Variants in CCDC33 observed in about 807,000 individuals in gnomAD.
The protein encoded by CCDC33 is coiled-coil domain-containing protein 33.
Under a neutral mutation model 91.9 loss-of-function variants are expected in CCDC33, and 94 were observed. The ratio of observed to expected loss-of-function variants is 1.02; its 90% CI spans 0.87 to 1.21. The LOEUF (loss-of-function observed/expected upper bound fraction) is 1.21, where lower values mean the gene tolerates loss of function less well. CCDC33 is among the 50% of genes most tolerant of loss of function. The pLI is 0.00. For missense variants in CCDC33, 940 were observed against 935.5 expected (o/e 1.00, Z -0.06); for synonymous variants, 396 against 374.5 (o/e 1.06, Z -0.66).
Position 74,335,976 on chromosome 15 carries a change from C to T in CCDC33, c.2191C>T (p.Leu731=), listed in dbSNP as rs775290506. Residue 731 remains leucine, a synonymous_variant, in exon 19 of 19, where the codon CTG becomes TTG. Coordinates refer to ENST00000398814, the MANE Select transcript of CCDC33 (RefSeq NM_025055.5). ...DLKQPSELEP[L]LPSSDSKLNK... is the part of the protein sequence containing the mutation. ...CAAGCAGCCCTCAGAGCTGGAGCCC[C>T]TGCTGCCCAGCTCAGACTCTAAGCT... 8 of 1,613,894 alleles carry T rather than the reference C, an allele frequency of 5.0e-6. No individual in the cohort carries two copies. In the Admixed American group the frequency reaches 6.7e-5, roughly 13 times the overall value.
At chr15:74,228,658 G>A (rs1046379176) in intron 2 of CCDC33, among the ~76,000 whole-genome samples, 13 of 152,236 alleles carry the variant, frequency 8.5e-5, no homozygotes, top group African/African-American at 2.9e-4. Context: ...TGGAGCTCAC[G>A]GATGGGCATG....
At chr15:74,221,240 T>TAAACAAAAA in intron 2 of CCDC33, 1 of 935,130 alleles carries the variant, frequency 1.1e-6, no homozygotes, top group Non-Finnish European at 1.3e-6. Flanking sequence ...TTTTTTTTTT[T>TAAACAAAAA]TTTCACCAGA....
intron 2 of CCDC33, among the ~76,000 whole-genome samples, chr15:74,227,533 G>T (rs2074841889): frequency 6.6e-6 from 1 of 152,202 alleles, no homozygotes. Flanking sequence ...GCACTGAATG[G>T]TTTGGGAGCA....
upstream of CCDC33, among the ~76,000 whole-genome samples, chr15:74,233,907 G>T (rs999917098): frequency 6.6e-6 from 1 of 152,016 alleles, no homozygotes; most frequent in Admixed American, 6.6e-5. Context: ...GCCCAAATGT[G>T]GGGGTGGGAC....
intron 2 of CCDC33, among the ~76,000 whole-genome samples, chr15:74,258,547 T>C (rs1027895664): frequency 3.9e-5 from 6 of 152,090 alleles, no homozygotes; most frequent in African/African-American, 1.4e-4. Context: ...GCCTGAGGAC[T>C]GGGTAACAAG....
At chr15:74,233,958 G>T (rs1372551347), upstream of CCDC33, among the ~76,000 whole-genome samples, 2 of 152,154 alleles carry the variant, frequency 1.3e-5, no homozygotes, top group African/African-American at 4.8e-5. Flanking sequence ...GGAGGCGGGG[G>T]CGTCTCTGGA....
At chr15:74,225,747 T>C (rs1444722530) in intron 2 of CCDC33, among the ~76,000 whole-genome samples, 2 of 152,166 alleles carry the variant, frequency 1.3e-5, no homozygotes, top group East Asian at 1.9e-4. Context: ...AAACCCTGCG[T>C]GAAACCCATC....
intron 11 of CCDC33, among the ~76,000 whole-genome samples, chr15:74,320,917 T>C (rs1392227017): frequency 6.6e-6 from 1 of 152,164 alleles, no homozygotes; most frequent in Non-Finnish European, 1.5e-5. Flanking sequence ...TCTATTGTCC[T>C]TCAGTGGCTG....
intron 2 of CCDC33, among the ~76,000 whole-genome samples, chr15:74,228,738 T>A (rs1477643467): frequency 2.0e-5 from 3 of 152,254 alleles, no homozygotes; most frequent in Non-Finnish European, 2.9e-5. Context: ...TCGGCGGGTG[T>A]TCCTGGAGAC....
At chr15:74,330,478 G>T in intron 12 of CCDC33, 124 bp downstream of exon 12, 3 of 1,205,540 alleles carry the variant, frequency 2.5e-6, no homozygotes, top group Non-Finnish European at 3.5e-6. Flanking sequence ...GCAAATAGGA[G>T]CCCCTCGCCC....
intron 7 of CCDC33, among the ~76,000 whole-genome samples, chr15:74,275,559 C>T (rs2076427897): frequency 6.6e-6 from 1 of 152,202 alleles, no homozygotes; most frequent in African/African-American, 2.4e-5. Flanking sequence ...GGCTCAGAAG[C>T]ATCCTCGAGG....
intron 12 of CCDC33, 28 bp downstream of exon 12, chr15:74,330,382 C>T (rs2060405365): frequency 6.5e-7 from 1 of 1,536,304 alleles, no homozygotes; most frequent in Non-Finnish European, 8.8e-7. Context: ...ACCAAGGGCA[C>T]CCGGGCTTCT....
intron 7 of CCDC33, among the ~76,000 whole-genome samples, chr15:74,277,417 G>T (rs1243371145): frequency 6.6e-6 from 1 of 152,220 alleles, no homozygotes; most frequent in East Asian, 1.9e-4. Flanking sequence ...GGGCGTGGAG[G>T]GGCCATGGAA....
intron 16 of CCDC33, 69 bp from the exon 17 acceptor site, chr15:74,333,812 T>C (rs1422993520): frequency 2.3e-6 from 3 of 1,317,708 alleles, no homozygotes; most frequent in Non-Finnish European, 3.2e-6. Flanking sequence ...CAATACCTTA[T>C]GGTTTCCCAA....
chr15:74,322,908 C>T (rs1032218413), intron 11 of CCDC33, among the ~76,000 whole-genome samples: 3 of 152,146 alleles, frequency 2.0e-5, no homozygotes, highest in Non-Finnish European at 2.9e-5. Context: ...GCAAACCCAC[C>T]CTCTGCACCC....
chr15:74,218,561 A>G lies in CCDC33; in HGVS notation c.375A>G (p.Glu125=). 1 of 1,289,678 alleles carries G rather than the reference A, an allele frequency of 7.8e-7. No homozygotes were observed. The highest frequency in any genetic ancestry group is 1.0e-6 in the Non-Finnish European group (1 of 988,824). The allele number at this position is 1,289,678 out of a possible 1,614,324, so 79.9% of individuals were successfully genotyped here. ...ATGTGGAGGCACTGAGGCTGGACGA[A>G]CCCTTGGGACGGGCAGCCCAGCGGG... The change falls in exon 2 of 3, where the codon GAA becomes GAG. Residue 125 remains glutamate, a synonymous_variant. Coordinates refer to the CCDC33 transcript ENST00000635913. The surrounding 1 kb of genome is among the most constrained non-coding windows in gnomAD (Gnocchi z 4.8).
At chr15:74,285,117 T>C (rs941701371) in intron 10 of CCDC33, among the ~76,000 whole-genome samples, 3 of 152,258 alleles carry the variant, frequency 2.0e-5, no homozygotes, top group African/African-American at 7.2e-5. Context: ...TGGTCAGTGC[T>C]GTCACAGAGC....
chr15:74,244,402 T>C lies in CCDC33; in HGVS notation c.185+254T>C, dbSNP rs2075452539. On this transcript the variant is annotated intron_variant, in intron 2 of 18. Transcript: ENST00000398814. The surrounding 1 kb of genome is among the most constrained non-coding windows in gnomAD (Gnocchi z 4.2). ...CACCCCACACCAGTGGGGCAGGGAT[T>C]GGTCACAGCTCAGCTCCAGTGGGGC... Among the ~76,000 whole-genome samples, 1 of 151,954 alleles carries C rather than the reference T, an allele frequency of 6.6e-6. No homozygotes were observed. The highest frequency in any genetic ancestry group is 1.5e-5 in the Non-Finnish European group (1 of 67,982).
chr15:74,253,747 G>A (rs1259851239), intron 2 of CCDC33, among the ~76,000 whole-genome samples: 1 of 152,206 alleles, frequency 6.6e-6, no homozygotes, highest in Non-Finnish European at 1.5e-5. Flanking sequence ...AATAGAGAGA[G>A]GAAGCAACTG....
Sources: allele counts gnomAD v4.1 joint callset (sites outside exome capture counted in the v4.1 genomes callset), GRCh38; gene constraint gnomAD v4.1.1; non-coding constraint Gnocchi (gnomAD v3.1); transcripts MANE v1.5; gene names NCBI Gene and HGNC (gene_info 2026-07-23, HGNC 2026-07-21).